The following CTSB variants were observed in gnomAD, a reference collection of about 807,000 sequenced individuals.
The protein encoded by CTSB is cathepsin B, also known as APP secretase.
CTSB carries 57 observed loss-of-function variants against 44.3 expected under a neutral mutation model. That is an observed-to-expected ratio of 1.29 (90% confidence interval 1.04 to 1.60). The LOEUF is 1.60. Ranked by LOEUF, CTSB falls within the 40% of genes most tolerant of loss-of-function variation. The pLI, the probability that CTSB is intolerant of heterozygous loss-of-function variation, is 0.00. For missense variants in CTSB, 768 were observed against 443.0 expected (o/e 1.73, Z -6.59); for synonymous variants, 320 against 168.0 (o/e 1.91, Z -7.00).
chr8:11,866,382 G>A (rs549649567), intron 1 of CTSB, among the ~76,000 whole-genome samples: 12 of 152,232 alleles, frequency 7.9e-5, no homozygotes, highest in Non-Finnish European at 1.6e-4. Flanking sequence ...TCTGGCCTGC[G>A]TTGCCACCTG....
At chr8:11,850,363 G>C (rs1814326071) in intron 4 of CTSB, among the ~76,000 whole-genome samples, 1 of 132,192 alleles carries the variant, frequency 7.6e-6, no homozygotes, top group African/African-American at 2.9e-5. Flanking sequence ...AGGTTGCAGT[G>C]AGCCAATATC....
At position 11,844,658 on chromosome 8, in the gene CTSB, C is replaced by G. The variant is rs1812894123; in HGVS notation, c.*467G>C. 1 of 159,632 alleles carries G rather than the reference C, an allele frequency of 6.3e-6. No homozygotes were observed. The highest frequency in any genetic ancestry group is 1.4e-5 in the Non-Finnish European group (1 of 72,178). The allele number at this position is 159,632 out of a possible 1,614,324, so 9.9% of individuals were successfully genotyped here. Reference sequence around the variant, plus strand: ...TGCAAACTCGATAGATGCAGGGGGCCTGGGAGACTGGCGTTCTCCAAAGGG... The same window carrying G: ...TGCAAACTCGATAGATGCAGGGGGCGTGGGAGACTGGCGTTCTCCAAAGGG... On this transcript the variant is annotated 3_prime_UTR_variant, in exon 10 of 10. Transcript: ENST00000353047.
rs2230071 is a variant in CTSB, at chr8:11,847,158, G to C, written c.687C>G (p.Ser229=). Residue 229 remains serine (S), a synonymous_variant, in exon 8 of 10, where the codon TCC becomes TCG. Coordinates refer to ENST00000353047, the MANE Select transcript of CTSB (RefSeq NM_001908.5). ...YKQDKHYGYN[S]YSVSNSEKDI... ...CCTTCTCGCTATTGGAGACGCTGTA[G>C]GAATTGTATCCTGGAAAATGAACCG... 592 of 1,609,692 alleles carry C rather than the reference G, an allele frequency of 3.7e-4. 2 individuals carry two copies. In the African/African-American group the frequency reaches 7.1e-3, roughly 19 times the overall value.
rs766781592 is a variant in CTSB at position 11,844,259 on chromosome 8, G to C, written c.*866C>G. The C allele has an allele frequency of 3.9e-5, 6 of 152,230 alleles. No individual in the cohort carries two copies. The highest frequency in any genetic ancestry group is 1.3e-4 in the Admixed American group (2 of 15,282). The allele number at this position is 152,230 out of a possible 1,614,324, so 9.4% of individuals were successfully genotyped here. ...GTGATTCTCTGCAGGGACAAAGAGA[G>C]ACAGCAGCTACAAGTCTATAGGCAG... On this transcript the variant is annotated 3_prime_UTR_variant, in exon 10 of 10. Transcript: ENST00000353047.
In CTSB at chr8:11,847,797, G is replaced by A. The variant is rs199677685; in HGVS notation, c.558C>T (p.Pro186=). The change falls in exon 7 of 10, where the codon CCC becomes CCT. Residue 186 remains proline, a synonymous_variant. Transcript: ENST00000353047. ...GGGAGCCGTTGACGTGGTGCTCACA[G>A]GGAGGGATGGAGTACGGTCTGCACC... ...HVGCRPYSIP[P]CEHHVNGSRP... 2.5e-6 allele frequency: 4 copies of A among 1,598,824 alleles called. No homozygotes were observed. Among genetic ancestry groups the A allele is most frequent in the African/African-American group, 1.4e-5 (1 of 73,878 alleles).
chr8:11,855,567 A>G (rs990562382), intron 1 of CTSB, among the ~76,000 whole-genome samples: 1 of 152,234 alleles, frequency 6.6e-6, no homozygotes, highest in African/African-American at 2.4e-5. Context: ...CCTTCAAGGG[A>G]AAATGCTTGC....
intron 5 of CTSB, chr8:11,848,632 C>G (rs1040621213): frequency 7.6e-5 from 23 of 302,674 alleles, no homozygotes; most frequent in Non-Finnish European, 1.2e-4. Context: ...GGAACCAAGG[C>G]GAGGCTGCAG....
In CTSB at chr8:11,844,984, C is replaced by A. The variant is rs1812989276; in HGVS notation, c.*141G>T. On this transcript the variant is annotated 3_prime_UTR_variant, in exon 10 of 10. Transcript: ENST00000353047. Reference sequence around the variant, plus strand: ...CTGGGATGTAGCCAGGACTTGGTCTCCTTGGAAGACAGGTCTGATGTTTGG... The same window carrying A: ...CTGGGATGTAGCCAGGACTTGGTCTACTTGGAAGACAGGTCTGATGTTTGG... The A allele has an allele frequency of 3.1e-6, 2 of 644,762 alleles. No individual in the cohort carries two copies. Among genetic ancestry groups the A allele is most frequent in the Non-Finnish European group, 5.5e-6 (2 of 362,118 alleles). The allele number at this position is 644,762 out of a possible 1,614,324, so 39.9% of individuals were successfully genotyped here.
Position 11,849,155 on chromosome 8 carries a change from C to G in CTSB, c.337G>C (p.Ala113Pro). The G allele has an allele frequency of 6.2e-7, 1 of 1,612,106 alleles. No homozygotes were observed. The highest frequency in any genetic ancestry group is 8.5e-7 in the Non-Finnish European group (1 of 1,179,598). ...ATCCGGTCAGAGATGGCTTCCACAG[C>G]CCCGAAGGCCTGCAGGAACGAGCCC... is the stretch of plus-strand genomic sequence containing the variant. ...GSCGSCWAFGAVEAISDRICI... is the reference protein window; with the variant it reads ...GSCGSCWAFGPVEAISDRICI... Residue 113 changes from alanine (A) to proline (P), a missense_variant, in exon 5 of 10, where the codon GCT becomes CCT. Ala to Pro is a conservative substitution (Grantham distance 27, BLOSUM62 -1). Coordinates refer to ENST00000353047, the MANE Select transcript of CTSB (RefSeq NM_001908.5).
intron 1 of CTSB, among the ~76,000 whole-genome samples, chr8:11,857,405 C>A (rs1815686096): frequency 6.6e-6 from 1 of 152,170 alleles, no homozygotes; most frequent in African/African-American, 2.4e-5. Context: ...GTGACCCACA[C>A]AGCCTCCACA....
intron 5 of CTSB, chr8:11,848,360 TGCC>T (rs1356718800): frequency 1.5e-6 from 1 of 674,398 alleles, no homozygotes; most frequent in Non-Finnish European, 2.7e-6. Context: ...GCCCCACCCC[TGCC>T]CACAAAGATC....
intron 3 of CTSB, 82 bp downstream of exon 3, chr8:11,852,528 G>A: frequency 9.1e-7 from 1 of 1,099,120 alleles, no homozygotes; most frequent in Non-Finnish European, 1.3e-6. Flanking sequence ...ACGCCAGAGA[G>A]GCCTTCACTC....
chr8:11,845,047 C>T lies in CTSB; in HGVS notation c.*78G>A. 1.0e-6 allele frequency: 1 copy of T among 982,490 alleles called. No individual in the cohort carries two copies. Among genetic ancestry groups the T allele is most frequent in the Non-Finnish European group, 1.6e-6 (1 of 621,130 alleles). 60.9% of individuals were successfully genotyped at this position (982,490 alleles called of 1,614,324 possible). ...TTCAGACCCTGTCTGAAACTTGTAT[C>T]TTACGTGAACTTAAAGAATAAAATG... On this transcript the variant is annotated 3_prime_UTR_variant, in exon 10 of 10. Coordinates refer to ENST00000353047, the MANE Select transcript of CTSB (RefSeq NM_001908.5).
At chr8:11,852,799 C>G in intron 2 of CTSB, 104 bp from the exon 3 acceptor site, 1 of 1,008,594 alleles carries the variant, frequency 9.9e-7, no homozygotes, top group Non-Finnish European at 1.5e-6. Flanking sequence ...GAGACCCTAC[C>G]CAATTCAAGG....
chr8:11,850,080 G>A (rs2645420), intron 4 of CTSB: 92,759 of 152,010 alleles, frequency 0.61, 28,401 homozygotes, highest in Middle Eastern at 0.68. Flanking sequence ...GATGGTGGTG[G>A]TGGCTGAGCA....
intron 1 of CTSB, among the ~76,000 whole-genome samples, chr8:11,858,659 G>C (rs1200778717): frequency 6.6e-6 from 1 of 152,146 alleles, no homozygotes; most frequent in African/African-American, 2.4e-5. Context: ...TGAGGGTCCC[G>C]AGACTGCTGA....
rs144610577 is a variant in CTSB, at chr8:11,850,307, T to C, written c.327+559A>G. Reference sequence around the variant, plus strand: ...GGTGGCACATGCCTGTAGTCTTAGCTACTGGGGAGACTGAGGCAGGAGAAT... The same window carrying C: ...GGTGGCACATGCCTGTAGTCTTAGCCACTGGGGAGACTGAGGCAGGAGAAT... On this transcript the variant is annotated intron_variant, in intron 4 of 9. Transcript: ENST00000353047. 5.6e-3 allele frequency among the ~76,000 whole-genome samples: 832 copies of C among 149,690 alleles called. 4 individuals are homozygous for C. Among genetic ancestry groups the C allele is most frequent in the African/African-American group, 0.019 (792 of 40,646 alleles).
intron 8 of CTSB, chr8:11,846,116 G>T: frequency 5.6e-6 from 1 of 177,934 alleles, no homozygotes; most frequent in South Asian, 1.4e-4. Context: ...TCTTTATACT[G>T]GGATTCCATG....
At chr8:11,858,143 T>C (rs1183729323) in intron 1 of CTSB, among the ~76,000 whole-genome samples, 1 of 152,212 alleles carries the variant, frequency 6.6e-6, no homozygotes, top group African/African-American at 2.4e-5. Flanking sequence ...CGCCGGCACA[T>C]GCCTGGCATG....
Sources: gnomAD v4.1 joint callset for allele counts (sites outside exome capture counted in the v4.1 genomes callset) on GRCh38, gnomAD v4.1.1 for gene constraint, MANE v1.5 for transcripts, NCBI Gene and HGNC (gene_info 2026-07-23, HGNC 2026-07-21) for gene names.